C2orf76: variants seen among roughly 807,000 people sequenced by gnomAD.
C2orf76 encodes the protein UPF0538 protein C2orf76.
C2orf76 carries 23 observed loss-of-function variants against 16.9 expected under a neutral mutation model. That is an observed-to-expected ratio of 1.36 (90% CI 0.98 to 1.93). The LOEUF is 1.93. Ranked by LOEUF, C2orf76 falls within the 30% of genes most tolerant of loss-of-function variation. The probability of loss-of-function intolerance (pLI) is 0.00; values close to 1 mark genes in which losing one functional copy is unlikely to be tolerated. For synonymous variants in C2orf76, 48 were observed against 52.3 expected, an observed-to-expected ratio of 0.92 and a Z score of 0.35; for missense variants, 152 against 152.6, an observed-to-expected ratio of 1.00 and a Z score of 0.02.
intron 2 of C2orf76, among the ~76,000 whole-genome samples, chr2:119,331,490 T>G (rs935548286): frequency 2.0e-5 from 3 of 152,242 alleles, no homozygotes; most frequent in Admixed American, 6.5e-5. Context: ...AGACTCACAC[T>G]CTGCATATCT....
chr2:119,310,842 A>C (rs7601849), intron 5 of C2orf76, among the ~76,000 whole-genome samples: 105,490 of 152,036 alleles, frequency 0.69, 37,065 homozygotes, highest in African/African-American at 0.8. Context: ...CCACTGCACT[A>C]CAGCCTGGGC....
intron 1 of C2orf76, among the ~76,000 whole-genome samples, chr2:119,355,130 A>G (rs1392585449): frequency 6.6e-6 from 1 of 152,212 alleles, no homozygotes; most frequent in Non-Finnish European, 1.5e-5. Flanking sequence ...AGTTTTCCCA[A>G]GGGTTGGAGA....
intron 2 of C2orf76, chr2:119,338,907 C>T (rs765210555): frequency 2.0e-5 from 3 of 152,110 alleles, no homozygotes; most frequent in Non-Finnish European, 4.4e-5. Context: ...TAGTAGATAA[C>T]CTGGAAATCT....
intron 1 of C2orf76, among the ~76,000 whole-genome samples, chr2:119,364,039 G>GAGAGAGACAGACAGAC (rs113457627): frequency 1.4e-5 from 2 of 147,574 alleles, no homozygotes; most frequent in African/African-American, 2.5e-5. Context: ...GAGAGAGAGA[G>GAGAGAGACAGACAGAC]AGACAGACAG....
chr2:119,357,297 T>C (rs1383830745), intron 1 of C2orf76, among the ~76,000 whole-genome samples: 7 of 152,056 alleles, frequency 4.6e-5, no homozygotes, highest in African/African-American at 1.7e-4. Context: ...AATATAGACA[T>C]GAAAATCCTT....
intron 5 of C2orf76, among the ~76,000 whole-genome samples, chr2:119,303,241 T>C (rs908426847): frequency 1.3e-5 from 2 of 152,266 alleles, no homozygotes; most frequent in African/African-American, 2.4e-5. Context: ...TCTTTCAACC[T>C]AGCAGGTCAA....
intron 1 of C2orf76, among the ~76,000 whole-genome samples, chr2:119,348,046 C>CAAAAAA (rs1205382710): frequency 2.4e-5 from 2 of 81,982 alleles, no homozygotes; most frequent in African/African-American, 4.7e-5. Context: ...GGCTCTGTCT[C>CAAAAAA]AAAAAAAAAA....
chr2:119,346,054 CAAAAAAAAAAAAA>C (rs56669262), intron 1 of C2orf76, among the ~76,000 whole-genome samples: 2 of 73,536 alleles, frequency 2.7e-5, no homozygotes, highest in Non-Finnish European at 5.8e-5. Flanking sequence ...GACGCCATCT[CAAAAAAAAAAAAA>C]AAAAAAAAAG....
intron 5 of C2orf76, among the ~76,000 whole-genome samples, chr2:119,308,068 G>A (rs1306199750): frequency 1.1e-4 from 16 of 152,150 alleles, no homozygotes; most frequent in Admixed American, 9.8e-4. Flanking sequence ...CTTACAGAAA[G>A]CAAGCAAAGC....
intron 1 of C2orf76, among the ~76,000 whole-genome samples, chr2:119,341,251 C>T (rs1680020799): frequency 6.6e-6 from 1 of 152,124 alleles, no homozygotes; most frequent in Non-Finnish European, 1.5e-5. Flanking sequence ...TCAAGTGATC[C>T]TCCTGCCTTG....
At chr2:119,330,100 A>G (rs12711926) in intron 2 of C2orf76, among the ~76,000 whole-genome samples, 85,551 of 151,984 alleles carry the variant, frequency 0.56, 24,438 homozygotes, top group African/African-American at 0.61. Flanking sequence ...CAGGCCAGAC[A>G]CAGTGGCTCA....
intron 1 of C2orf76, among the ~76,000 whole-genome samples, chr2:119,340,938 A>G (rs964913724): frequency 1.4e-4 from 21 of 151,986 alleles, no homozygotes; most frequent in African/African-American, 5.1e-4. Flanking sequence ...AACTTGCTAC[A>G]CTACCCTGTC....
At chr2:119,331,875 C>T (rs932021601) in intron 2 of C2orf76, among the ~76,000 whole-genome samples, 5 of 152,136 alleles carry the variant, frequency 3.3e-5, no homozygotes, top group East Asian at 1.9e-4. Flanking sequence ...CTTTGCACTG[C>T]GTTTTTCTTT....
the C2orf76 span, among the ~76,000 whole-genome samples, chr2:119,291,198 A>T: frequency 5.3e-5 from 8 of 152,098 alleles, no homozygotes; most frequent in East Asian, 1.2e-3. Context: ...GCTCGGCAAG[A>T]TGTAAAGATG....
chr2:119,345,031 T>C (rs1342937181), intron 1 of C2orf76, among the ~76,000 whole-genome samples: 2 of 152,160 alleles, frequency 1.3e-5, no homozygotes, highest in Non-Finnish European at 2.9e-5. Context: ...ATGAAACAAA[T>C]ATTTAACTAT....
intron 4 of C2orf76, among the ~76,000 whole-genome samples, chr2:119,312,342 G>A (rs1256934113): frequency 6.6e-6 from 1 of 152,264 alleles, no homozygotes; most frequent in East Asian, 1.9e-4. Flanking sequence ...CAGTCTCCAA[G>A]GCTCAAGCAA....
At chr2:119,347,460 G>A (rs1680241935) in intron 1 of C2orf76, among the ~76,000 whole-genome samples, 1 of 152,140 alleles carries the variant, frequency 6.6e-6, no homozygotes, top group Admixed American at 6.5e-5. Context: ...TGATATTATG[G>A]TTGTGTTTTT....
At chr2:119,333,571 T>G (rs1287601670) in intron 2 of C2orf76, among the ~76,000 whole-genome samples, 2 of 152,196 alleles carry the variant, frequency 1.3e-5, no homozygotes, top group Admixed American at 1.3e-4. Flanking sequence ...CAAACTAGTT[T>G]GGTAAAGGCC....
intron 2 of C2orf76, among the ~76,000 whole-genome samples, chr2:119,323,898 T>A (rs1679426278): frequency 6.6e-6 from 1 of 152,162 alleles, no homozygotes; most frequent in Non-Finnish European, 1.5e-5. Context: ...TTCTTGACTT[T>A]TAAAACACTA....
Sources: allele counts gnomAD v4.1 joint callset (sites outside exome capture counted in the v4.1 genomes callset), GRCh38; gene constraint gnomAD v4.1.1; transcripts MANE v1.5; gene names NCBI Gene and HGNC (gene_info 2026-07-23, HGNC 2026-07-21).